Variants in MMS22L observed in about 807,000 individuals in gnomAD.
MMS22L encodes protein MMS22-like.
In MMS22L, 74 loss-of-function variants were observed where a neutral mutation model predicts 159.1. The ratio of observed to expected loss-of-function variants is 0.47; its 90% CI spans 0.39 to 0.56. MMS22L has a LOEUF of 0.56. Among genes scored for constraint, MMS22L ranks in the 20% least tolerant of loss-of-function variants. The pLI is 0.00. For synonymous variants in MMS22L, 517 were observed against 506.9 expected (o/e 1.02, Z -0.27); for missense variants, 1,351 against 1,422.1 (o/e 0.95, Z 0.80).
intron 11 of MMS22L, among the ~76,000 whole-genome samples, chr6:97,240,025 C>CA (rs1470115642): frequency 4.6e-5 from 7 of 152,328 alleles, no homozygotes; most frequent in Admixed American, 2.0e-4. Context: ...TGGACTCTTT[C>CA]ACCACTGTCA....
chr6:97,247,140 T>C (rs1437126324), intron 10 of MMS22L, among the ~76,000 whole-genome samples: 1 of 151,906 alleles, frequency 6.6e-6, no homozygotes, highest in Non-Finnish European at 1.5e-5. Flanking sequence ...GTAAACAAAG[T>C]AACTAAAAAT....
At chr6:97,169,947 G>C (rs1803355590) in intron 19 of MMS22L, among the ~76,000 whole-genome samples, 2 of 152,102 alleles carry the variant, frequency 1.3e-5, no homozygotes, top group South Asian at 2.1e-4. Context: ...CCGTGGTATA[G>C]GATACCAATA....
intron 9 of MMS22L, chr6:97,260,266 ACT>A (rs1032387712): frequency 1.3e-5 from 2 of 152,148 alleles, no homozygotes; most frequent in East Asian, 1.9e-4. Flanking sequence ...GCTATATCAC[ACT>A]GTTTTCTTCT....
At chr6:97,270,266 CCT>C (rs1815586910) in intron 6 of MMS22L, 1 of 559,142 alleles carries the variant, frequency 1.8e-6, no homozygotes, top group Non-Finnish European at 3.4e-6. Context: ...TTCCAACCAA[CCT>C]CTGATTCTAC....
chr6:97,236,722 A>C (rs762780154), intron 11 of MMS22L, among the ~76,000 whole-genome samples: 18 of 152,022 alleles, frequency 1.2e-4, no homozygotes, highest in Non-Finnish European at 1.9e-4. Flanking sequence ...GAGGCCAAGG[A>C]GGGCAGATCA....
chr6:97,268,003 C>A lies in MMS22L; in HGVS notation c.698-1G>T, dbSNP rs767303030. ...AACTGATGACCATATACAACTTGTTCTGAAAATGTAATAAAAATAGTTTTA... is the reference window on the plus strand; with the variant it reads ...AACTGATGACCATATACAACTTGTTATGAAAATGTAATAAAAATAGTTTTA... On this transcript the variant is annotated splice_acceptor_variant, in intron 7 of 24. Transcript: ENST00000683635. LOFTEE classifies it high-confidence loss of function. The A allele has an allele frequency of 2.0e-6, 3 of 1,527,536 alleles. No homozygotes were observed. Among genetic ancestry groups the A allele is most frequent in the South Asian group, 2.6e-5 (2 of 76,488 alleles). 94.6% of individuals were successfully genotyped at this position (1,527,536 alleles called of 1,614,324 possible). A position where few individuals can be genotyped will look rare whatever the true frequency, so the allele number is the denominator to read the frequency against.
intron 3 of MMS22L, among the ~76,000 whole-genome samples, chr6:97,279,249 C>T (rs1413612144): frequency 1.3e-5 from 2 of 151,820 alleles, no homozygotes; most frequent in African/African-American, 2.4e-5. Flanking sequence ...TTTGGGAGGC[C>T]GAGGCGGGCG....
intron 15 of MMS22L, 27 bp from the exon 16 acceptor site, chr6:97,182,081 A>G (rs2128275193): frequency 1.3e-6 from 2 of 1,590,166 alleles, no homozygotes; most frequent in South Asian, 2.3e-5. Context: ...AGAAACTTAA[A>G]GTCAGGAATC....
chr6:97,207,333 A>G (rs1807892044), intron 14 of MMS22L, among the ~76,000 whole-genome samples: 1 of 152,186 alleles, frequency 6.6e-6, no homozygotes, highest in Non-Finnish European at 1.5e-5. Context: ...TTGTGTTTGT[A>G]TATGAAATAG....
intron 8 of MMS22L, 30 bp from the exon 9 acceptor site, chr6:97,263,478 A>T (rs1288357267): frequency 8.5e-7 from 1 of 1,177,030 alleles, no homozygotes; most frequent in Admixed American, 2.7e-5. Context: ...TGTGTTATTT[A>T]TAAGACAGCA....
At chr6:97,207,001 C>T (rs1210632377) in intron 14 of MMS22L, among the ~76,000 whole-genome samples, 5 of 151,972 alleles carry the variant, frequency 3.3e-5, no homozygotes, top group Admixed American at 3.3e-4. Flanking sequence ...CAAGTAAAGG[C>T]CAAATTAATC....
Position 97,186,537 on chromosome 6 carries a change from T to G in MMS22L, c.2193A>C (p.Ser731=), listed in dbSNP as rs1444500851. The G allele has an allele frequency of 6.2e-7, 1 of 1,613,190 alleles. No individual in the cohort carries two copies. Reference sequence around the variant, plus strand: ...CAAGTTGTGAGAAAGGCACTACCTGTGACATTCTCTGACTCTTCAAAAATG... The same window carrying G: ...CAAGTTGTGAGAAAGGCACTACCTGGGACATTCTCTGACTCTTCAAAAATG... ...FFSFLKSQRM[S]QVVPFSQLAD... is the part of the protein sequence containing the mutation. The change falls in exon 15 of 25, where the codon TCA becomes TCC. Residue 731 remains serine, a synonymous_variant. Transcript: ENST00000683635.
chr6:97,264,964 C>G (rs190414549), intron 8 of MMS22L: 26 of 152,242 alleles, frequency 1.7e-4, no homozygotes, highest in African/African-American at 5.1e-4. Flanking sequence ...AATGTCCATA[C>G]TACCCAAAGT....
chr6:97,208,287 T>C (rs941331429), intron 14 of MMS22L, among the ~76,000 whole-genome samples: 6 of 152,262 alleles, frequency 3.9e-5, no homozygotes, highest in Admixed American at 2.6e-4. Context: ...GTTTCCTTGC[T>C]TAAAGTTTGC....
At chr6:97,221,377 T>C (rs771027819) in intron 14 of MMS22L, among the ~76,000 whole-genome samples, 15 of 152,088 alleles carry the variant, frequency 9.9e-5, no homozygotes, top group Non-Finnish European at 1.5e-4. Context: ...AGATAATCTA[T>C]GTTTCAGCAA....
Position 97,186,634 on chromosome 6 carries a change from A to T in MMS22L, c.2096T>A (p.Val699Glu). Reference sequence around the variant, plus strand: ...CTCTTTAGCCGATAATGAAGACTGTACAAATAGGTCCACATTGTCCCTTTG... The same window carrying T: ...CTCTTTAGCCGATAATGAAGACTGTTCAAATAGGTCCACATTGTCCCTTTG... Reference protein sequence around the residue: ...ELQRDNVDLFVQSSLSAKERH... With the variant: ...ELQRDNVDLFEQSSLSAKERH... The change falls in exon 15 of 25, where the codon GTA becomes GAA. Residue 699 changes from valine (V) to glutamate (E), a missense_variant. Physicochemically the swap from Val to Glu is moderately radical, Grantham distance 121. Transcript: ENST00000683635. 1.2e-6 allele frequency: 2 copies of T among 1,607,030 alleles called. No homozygotes were observed. Among genetic ancestry groups the T allele is most frequent in the Non-Finnish European group, 1.7e-6 (2 of 1,177,112 alleles).
At chr6:97,218,312 G>A (rs1022552031) in intron 14 of MMS22L, among the ~76,000 whole-genome samples, 2 of 152,136 alleles carry the variant, frequency 1.3e-5, no homozygotes, top group Admixed American at 6.5e-5. Context: ...CATGGATACT[G>A]TTGTCTGCTT....
chr6:97,202,386 G>A (rs750680504), intron 14 of MMS22L, among the ~76,000 whole-genome samples: 13 of 152,274 alleles, frequency 8.5e-5, no homozygotes, highest in South Asian at 6.2e-4. Flanking sequence ...GGATGTTTCA[G>A]ATCTATATAT....
intron 18 of MMS22L, among the ~76,000 whole-genome samples, chr6:97,177,865 T>A (rs1271744323): frequency 6.6e-6 from 1 of 152,106 alleles, no homozygotes; most frequent in East Asian, 1.9e-4. Flanking sequence ...AAGACACTAA[T>A]CCAAACACAT....
Sources: gnomAD v4.1 joint callset for allele counts (sites outside exome capture counted in the v4.1 genomes callset) on GRCh38, gnomAD v4.1.1 for gene constraint, MANE v1.5 for transcripts, NCBI Gene and HGNC (gene_info 2026-07-23, HGNC 2026-07-21) for gene names.